IQCM: variants seen among roughly 807,000 people sequenced by gnomAD.
IQCM encodes IQ domain-containing protein M.
A neutral mutation model predicts 57.6 loss-of-function variants in IQCM; 45 were observed. The ratio of observed to expected loss-of-function variants is 0.78; its 90% confidence interval spans 0.62 to 1.00. IQCM has a LOEUF of 1.00. IQCM is among the 50% of genes least tolerant of loss of function. IQCM has a pLI of 0.00. For missense variants in IQCM, 468 were observed against 511.6 expected, an observed-to-expected ratio of 0.91 and a Z score of 0.82; for synonymous variants, 148 against 158.9, an observed-to-expected ratio of 0.93 and a Z score of 0.51.
intron 8 of IQCM, among the ~76,000 whole-genome samples, chr4:149,599,994 GC>G (rs1292694550): frequency 3.4e-5 from 5 of 145,646 alleles, no homozygotes; most frequent in African/African-American, 1.2e-4. Flanking sequence ...CAAGTTATTT[GC>G]TTTTGAACAT....
chr4:149,672,010 G>A lies in IQCM; in HGVS notation c.565+10108C>T, dbSNP rs149089070. ...CCGCTGGTGATACCCAGGCAAACAG[G>A]GTCTAGAGTGGACCTCCAGCAAACT... On this transcript the variant is annotated intron_variant, in intron 7 of 13. Transcript: ENST00000636793. 2.9e-3 allele frequency among the ~76,000 whole-genome samples: 434 copies of A among 152,228 alleles called. 4 individuals carry two copies. The highest frequency in any genetic ancestry group is 9.9e-3 in the African/African-American group (411 of 41,536).
chr4:149,392,077 C>A (rs1731895392), intron 13 of IQCM, among the ~76,000 whole-genome samples: 1 of 149,824 alleles, frequency 6.7e-6, no homozygotes, highest in African/African-American at 2.5e-5. Flanking sequence ...AAATTGAAGG[C>A]TCCAAATATG....
At chr4:149,689,761 G>A (rs1398846188) in intron 5 of IQCM, among the ~76,000 whole-genome samples, 1 of 151,908 alleles carries the variant, frequency 6.6e-6, no homozygotes, top group Non-Finnish European at 1.5e-5. Flanking sequence ...ATCAAAAAGT[G>A]GGCTAAGGAC....
intron 13 of IQCM, among the ~76,000 whole-genome samples, chr4:149,417,057 C>A (rs753018192): frequency 2.0e-5 from 3 of 152,010 alleles, no homozygotes; most frequent in Non-Finnish European, 2.9e-5. Flanking sequence ...CATATGGTTT[C>A]CAGTTTTACA....
chr4:149,794,392 T>A (rs371913863), intron 2 of IQCM, among the ~76,000 whole-genome samples: 38 of 152,336 alleles, frequency 2.5e-4, no homozygotes, highest in East Asian at 1.7e-3. Context: ...TATTACACAG[T>A]GTCCATATTA....
intron 7 of IQCM, among the ~76,000 whole-genome samples, chr4:149,660,673 T>C (rs1210471511): frequency 2.0e-5 from 3 of 152,006 alleles, no homozygotes; most frequent in African/African-American, 7.2e-5. Context: ...TGAGTTCATG[T>C]CCTTTGTAGG....
At chr4:149,477,861 A>G (rs1740367457) in intron 12 of IQCM, among the ~76,000 whole-genome samples, 1 of 152,084 alleles carries the variant, frequency 6.6e-6, no homozygotes, top group Non-Finnish European at 1.5e-5. Context: ...GGTATGGTCA[A>G]ATGGAACAGA....
At position 149,576,891 on chromosome 4, in the gene IQCM, A is replaced by G. The variant is rs1017003079; in HGVS notation, c.749+11039T>C. ...AGTGCTCCCTTTTCTCCACAACCTC[A>G]CTAGTATCTTATTTTTTGACTTTTT... On this transcript the variant is annotated intron_variant, in intron 9 of 13. Coordinates refer to ENST00000636793, the MANE Select transcript of IQCM (RefSeq NM_001363507.2). 5.9e-5 allele frequency among the ~76,000 whole-genome samples: 9 copies of G among 151,732 alleles called. No homozygotes were observed. The East Asian group carries it at 9.8e-4, about 16-fold the overall frequency.
intron 7 of IQCM, among the ~76,000 whole-genome samples, chr4:149,648,261 G>T (rs1450455414): frequency 6.6e-6 from 1 of 151,902 alleles, no homozygotes; most frequent in African/African-American, 2.4e-5. Flanking sequence ...GTTTCCTTAT[G>T]TACTTAGCTA....
intron 7 of IQCM, among the ~76,000 whole-genome samples, chr4:149,677,588 A>G (rs567389148): frequency 6.6e-6 from 1 of 152,144 alleles, no homozygotes; most frequent in Admixed American, 6.5e-5. Context: ...ATAATTAAAT[A>G]AGACCAAATT....
intron 12 of IQCM, among the ~76,000 whole-genome samples, chr4:149,476,572 T>C (rs2149740941): frequency 6.6e-6 from 1 of 152,168 alleles, no homozygotes; most frequent in East Asian, 1.9e-4. Flanking sequence ...CTTGTAAAAG[T>C]AATAGAAGTT....
chr4:149,668,688 A>T (rs1056186770), intron 7 of IQCM, among the ~76,000 whole-genome samples: 5 of 152,216 alleles, frequency 3.3e-5, no homozygotes, highest in African/African-American at 1.2e-4. Context: ...AATTATTATA[A>T]GTAAATGCTG....
At chr4:149,646,911 G>A (rs373870891) in intron 7 of IQCM, among the ~76,000 whole-genome samples, 5 of 152,156 alleles carry the variant, frequency 3.3e-5, no homozygotes, top group African/African-American at 9.7e-5. Flanking sequence ...TTGAACCTAG[G>A]GGGTAGAGGT....
intron 13 of IQCM, among the ~76,000 whole-genome samples, chr4:149,402,431 G>A (rs1732680396): frequency 6.6e-6 from 1 of 151,742 alleles, no homozygotes; most frequent in Admixed American, 6.6e-5. Context: ...AACCATTTTG[G>A]TGGATATCTG....
In IQCM at chr4:149,366,389, T is replaced by C. The variant is rs193059203; in HGVS notation, c.1391-14323A>G. 2.0e-5 allele frequency among the ~76,000 whole-genome samples: 3 copies of C among 151,968 alleles called. No individual in the cohort carries two copies. In the East Asian group the frequency reaches 5.8e-4, roughly 30 times the overall value. ...CAATCCTCTTTCCCAGCTAAATTGG[T>C]CTACTCCTCTATGATCCTACCTCCA... On this transcript the variant is annotated intron_variant, in intron 13 of 13. Coordinates refer to ENST00000636793, the MANE Select transcript of IQCM (RefSeq NM_001363507.2).
chr4:149,660,591 A>C (rs1760095382), intron 7 of IQCM, among the ~76,000 whole-genome samples: 1 of 152,226 alleles, frequency 6.6e-6, no homozygotes, highest in Admixed American at 6.5e-5. Context: ...CCAAATGTCC[A>C]ACAATGATAG....
chr4:149,459,862 T>A (rs1738088694), intron 12 of IQCM, among the ~76,000 whole-genome samples: 1 of 152,224 alleles, frequency 6.6e-6, no homozygotes, highest in Non-Finnish European at 1.5e-5. Context: ...CTACTGTGAA[T>A]AATGTTGTTG....
intron 13 of IQCM, among the ~76,000 whole-genome samples, chr4:149,379,215 G>A (rs555593142): frequency 2.2e-4 from 34 of 152,334 alleles, no homozygotes; most frequent in Admixed American, 6.5e-4. Flanking sequence ...GTGCAGTAGG[G>A]AAATGTGGGG....
Position 149,455,195 on chromosome 4 carries a change from C to T in IQCM, c.1229-21638G>A, listed in dbSNP as rs961218776. ...AAGAGAGACTGCTGTGTTGCATTTG[C>T]CGCACTGGCAGTTTATGCAATCTTC... On this transcript the variant is annotated intron_variant, in intron 12 of 13. Coordinates refer to ENST00000636793, the MANE Select transcript of IQCM (RefSeq NM_001363507.2). Among the ~76,000 whole-genome samples the T allele has an allele frequency of 2.6e-5, 4 of 151,992 alleles. No homozygotes were observed. In the South Asian group the frequency reaches 6.2e-4, roughly 24 times the overall value.
Sources: allele counts gnomAD v4.1 joint callset (sites outside exome capture counted in the v4.1 genomes callset), GRCh38; gene constraint gnomAD v4.1.1; transcripts MANE v1.5; gene names NCBI Gene and HGNC (gene_info 2026-07-23, HGNC 2026-07-21).